CR1: variants seen among roughly 807,000 people sequenced by gnomAD.
The protein encoded by CR1 is complement receptor type 1.
In CR1, 116 loss-of-function variants were observed where a neutral mutation model predicts 187.3. The observed-to-expected ratio is 0.62, with a 90% CI of 0.53 to 0.72. The LOEUF (loss-of-function observed/expected upper bound fraction) is 0.72. CR1 is among the 30% of genes least tolerant of loss of function. CR1 has a pLI of 0.00. For missense variants in CR1, 1,731 were observed against 2,110.7 expected (o/e 0.82, Z 3.52); for synonymous variants, 576 against 747.1 (o/e 0.77, Z 3.73).
intron 31 of CR1, 29 bp downstream of exon 31, chr1:207,580,642 G>A (rs372496699): frequency 5.1e-6 from 8 of 1,580,390 alleles, no homozygotes; most frequent in African/African-American, 4.1e-5. Flanking sequence ...TCAGATCAGG[G>A]ACTCAGCACT....
At chr1:207,624,685 A>T (rs1662427468) in intron 45 of CR1, among the ~76,000 whole-genome samples, 1 of 152,186 alleles carries the variant, frequency 6.6e-6, no homozygotes, top group Admixed American at 6.5e-5. Flanking sequence ...TTACGGCTTG[A>T]CATATATTCT....
At chr1:207,498,877 C>CAAAAAA (rs56044498) in intron 1 of CR1, among the ~76,000 whole-genome samples, 2,798 of 49,938 alleles carry the variant, frequency 0.056, 204 homozygotes, top group Middle Eastern at 0.15. Context: ...AACTCCAAAT[C>CAAAAAA]AAAAAAAAAA....
intron 1 of CR1, 117 bp from the exon 2 acceptor site, chr1:207,505,787 G>T (rs1298710091): frequency 3.4e-6 from 4 of 1,162,202 alleles, no homozygotes; most frequent in Non-Finnish European, 4.9e-6. Flanking sequence ...AGTGAGCCAA[G>T]ATAGCGCCAC....
At chr1:207,513,144 T>G (rs1232346232) in intron 4 of CR1, among the ~76,000 whole-genome samples, 2 of 152,248 alleles carry the variant, frequency 1.3e-5, no homozygotes, top group African/African-American at 2.4e-5. Flanking sequence ...AACACTTTAG[T>G]CGGCTATCCG....
At chr1:207,585,539 A>G (rs1033880039) in intron 33 of CR1, among the ~76,000 whole-genome samples, 1 of 152,204 alleles carries the variant, frequency 6.6e-6, no homozygotes, top group African/African-American at 2.4e-5. Flanking sequence ...CTGGTCCTTC[A>G]GGGCAAACAT....
At position 207,506,812 on chromosome 1, in the gene CR1, G is replaced by A. The variant is rs767211812; in HGVS notation, c.400G>A (p.Gly134Arg). 2.6e-4 allele frequency: 417 copies of A among 1,610,938 alleles called. No individual in the cohort carries two copies. The highest frequency in any genetic ancestry group is 3.4e-4 in the Non-Finnish European group (406 of 1,177,602). The change falls in exon 3 of 47, where the codon GGA becomes AGA. Residue 134 changes from glycine to arginine, a missense_variant and splice_region_variant. Physicochemically the swap from Gly to Arg is moderately radical, Grantham distance 125 (BLOSUM62 -2). Around this residue, in one of 5 missense-constraint regions of CR1, gnomAD observed 237 missense variants for 240.4 expected, o/e 0.99. Transcript: ENST00000367049. Reference protein sequence around the residue: ...GSQIKYSCTKGYRLIGSSSAT... With the variant: ...GSQIKYSCTKRYRLIGSSSAT... ...CCAAATTAAATATTCTTGTACTAAA[G>A]GGTGAGTTGGCATCTCTTGAACCAA...
chr1:207,581,574 A>G (rs1660958966), intron 31 of CR1, among the ~76,000 whole-genome samples: 3 of 152,132 alleles, frequency 2.0e-5, no homozygotes, highest in African/African-American at 7.2e-5. Flanking sequence ...AGATAAAATA[A>G]CATGCAAAGA....
chr1:207,592,799 A>G (rs1487747943), intron 35 of CR1, among the ~76,000 whole-genome samples: 6 of 152,174 alleles, frequency 3.9e-5, no homozygotes, highest in African/African-American at 1.4e-4. Flanking sequence ...TACACCAATA[A>G]TAGACAAACA....
At chr1:207,633,707 A>G (rs1471421076) in intron 46 of CR1, among the ~76,000 whole-genome samples, 1 of 152,206 alleles carries the variant, frequency 6.6e-6, no homozygotes, top group Non-Finnish European at 1.5e-5. Context: ...CAAATGAGAA[A>G]TGTTCAGTAA....
chr1:207,619,359 G>A (rs951853962), intron 42 of CR1, among the ~76,000 whole-genome samples: 1 of 146,056 alleles, frequency 6.8e-6, no homozygotes, highest in Admixed American at 6.8e-5. Flanking sequence ...CTCCTGCCTG[G>A]GTGACACAGT....
At chr1:207,513,726 C>T (rs1659692576) in intron 4 of CR1, among the ~76,000 whole-genome samples, 1 of 132,446 alleles carries the variant, frequency 7.6e-6, no homozygotes, top group African/African-American at 2.9e-5. Context: ...TTCCCTCCCT[C>T]CCTCCTTTCC....
chr1:207,638,053 T>A (rs901021085), intron 46 of CR1, among the ~76,000 whole-genome samples: 1 of 152,274 alleles, frequency 6.6e-6, no homozygotes, highest in Non-Finnish European at 1.5e-5. Context: ...GTTTAAAAAA[T>A]TTAAAGTATA....
chr1:207,588,636 A>G, intron 34 of CR1, 39 bp from the exon 35 acceptor site: 1 of 1,382,268 alleles, frequency 7.2e-7, no homozygotes, highest in African/African-American at 1.4e-5. Context: ...AGGTAAGTTG[A>G]ACTCTATATT....
intron 46 of CR1, among the ~76,000 whole-genome samples, chr1:207,633,552 T>C (rs1662716011): frequency 6.6e-6 from 1 of 152,272 alleles, no homozygotes; most frequent in Non-Finnish European, 1.5e-5. Flanking sequence ...TGCATTCATG[T>C]AGTTGCTTAT....
At chr1:207,566,198 C>G (rs1660491059) in intron 24 of CR1, among the ~76,000 whole-genome samples, 1 of 150,006 alleles carries the variant, frequency 6.7e-6, no homozygotes, top group African/African-American at 2.5e-5. Context: ...TAATGTGAAG[C>G]TTTAACAATT....
At chr1:207,616,554 A>G in intron 40 of CR1, 21 bp from the exon 41 acceptor site, 1 of 1,610,478 alleles carries the variant, frequency 6.2e-7, no homozygotes, top group Non-Finnish European at 8.5e-7. Flanking sequence ...ATAGAACTTA[A>G]AGCTCTTGTT....
intron 1 of CR1, 72 bp from the exon 2 acceptor site, chr1:207,505,831 GT>G: frequency 6.6e-7 from 1 of 1,515,688 alleles, no homozygotes; most frequent in African/African-American, 1.4e-5. Context: ...GCCAGTCTCC[GT>G]CTCAAAAAAG....
Position 207,616,712 on chromosome 1 carries a change from G to A in CR1, c.6799G>A (p.Gly2267Arg), listed in dbSNP as rs549640201. ...PDRGMTFNLI[G>R]ESSIRCTSDP... ...CAGAGGGATGACCTTCAACCTCATTGGGGAGAGCTCCATCCGCTGCACAAG... is the reference window on the plus strand; with the variant it reads ...CAGAGGGATGACCTTCAACCTCATTAGGGAGAGCTCCATCCGCTGCACAAG... The change falls in exon 41 of 47, where the codon GGG becomes AGG. Residue 2267 changes from glycine (G) to arginine (R), a missense_variant. This residue lies in a region of CR1 where 1,312 missense variants were observed against 1,379.6 expected (regional missense o/e 0.95). Coordinates refer to ENST00000367049, the MANE Select transcript of CR1 (RefSeq NM_000651.6). The A allele has an allele frequency of 2.6e-5, 42 of 1,613,896 alleles. No individual in the cohort carries two copies. In the South Asian group the frequency reaches 3.5e-4, roughly 14 times the overall value.
chr1:207,524,805 C>T, intron 5 of CR1, among the ~76,000 whole-genome samples: 1 of 151,848 alleles, frequency 6.6e-6, no homozygotes, highest in Admixed American at 6.6e-5. Flanking sequence ...CTTTGCTCAT[C>T]AGCATTCAGT....
Sources: gnomAD v4.1 joint callset for allele counts (sites outside exome capture counted in the v4.1 genomes callset) on GRCh38, gnomAD v4.1.1 for gene constraint, gnomAD v4.1.1 regional missense constraint, MANE v1.5 for transcripts, NCBI Gene and HGNC (gene_info 2026-07-23, HGNC 2026-07-21) for gene names.